KCNQ5: variants seen among roughly 807,000 people sequenced by gnomAD.
KCNQ5 encodes the protein potassium voltage-gated channel subfamily KQT member 5.
Under a neutral mutation model 98.2 loss-of-function variants are expected in KCNQ5, and 30 were observed. The ratio of observed to expected loss-of-function variants is 0.31; its 90% confidence interval spans 0.23 to 0.41. KCNQ5 has a LOEUF of 0.41. KCNQ5 is among the 10% of genes least tolerant of loss of function. The probability of loss-of-function intolerance (pLI) is 1.00; values close to 1 mark genes in which losing one functional copy is unlikely to be tolerated. For synonymous variants in KCNQ5, 458 were observed against 449.4 expected (o/e 1.02, Z -0.24); for missense variants, 835 against 1,182.5 (o/e 0.71, Z 4.31).
At chr6:72,748,602 TCTAC>T (rs1488172282) in intron 1 of KCNQ5, among the ~76,000 whole-genome samples, 1 of 152,184 alleles carries the variant, frequency 6.6e-6, no homozygotes. Context: ...TTGCTTTGTT[TCTAC>T]CTTCATTAAG....
At chr6:73,042,469 C>T (rs1365949353) in intron 3 of KCNQ5, among the ~76,000 whole-genome samples, 2 of 152,158 alleles carry the variant, frequency 1.3e-5, no homozygotes, top group Admixed American at 6.6e-5. Flanking sequence ...ATAAAAAACC[C>T]TTTTTGCTCT....
intron 11 of KCNQ5, among the ~76,000 whole-genome samples, chr6:73,185,722 T>C (rs1237905253): frequency 6.6e-6 from 1 of 152,168 alleles, no homozygotes; most frequent in Admixed American, 6.5e-5. Flanking sequence ...TTGATGTTTA[T>C]CCTATAGGCC....
At chr6:72,981,596 T>C (rs1768454582) in intron 1 of KCNQ5, among the ~76,000 whole-genome samples, 1 of 152,182 alleles carries the variant, frequency 6.6e-6, no homozygotes, top group Non-Finnish European at 1.5e-5. Flanking sequence ...TGTTGATCTT[T>C]TCAAAAAGCC....
intron 10 of KCNQ5, among the ~76,000 whole-genome samples, chr6:73,157,333 A>G (rs1777403486): frequency 6.6e-6 from 1 of 152,106 alleles, no homozygotes. Flanking sequence ...AAAAGGGCTG[A>G]GGAAGAGGAG....
At chr6:73,174,379 A>T (rs1778132695) in intron 11 of KCNQ5, among the ~76,000 whole-genome samples, 1 of 152,170 alleles carries the variant, frequency 6.6e-6, no homozygotes, top group African/African-American at 2.4e-5. Flanking sequence ...ACTGATGCAG[A>T]TTATTCATTA....
intron 1 of KCNQ5, among the ~76,000 whole-genome samples, chr6:72,686,332 C>T (rs78789588): frequency 0.014 from 2,059 of 152,216 alleles, 33 homozygotes; most frequent in African/African-American, 0.042. Context: ...GATGTTCCCT[C>T]GAGCTGATAG....
chr6:72,646,864 GTTC>G (rs1367821393), intron 1 of KCNQ5, among the ~76,000 whole-genome samples: 1 of 152,150 alleles, frequency 6.6e-6, no homozygotes, highest in Non-Finnish European at 1.5e-5. Context: ...CATATTTGAA[GTTC>G]TTCTTACTAA....
intron 1 of KCNQ5, chr6:72,987,775 A>T: frequency 1.6e-5 from 7 of 439,962 alleles, no homozygotes; most frequent in Non-Finnish European, 2.6e-5. Context: ...TCCCCTCAAA[A>T]CTGCCACAAT....
rs150147409 is a variant in KCNQ5 at position 72,897,877 on chromosome 6, A to C, written c.399-106031A>C. Reference sequence around the variant, plus strand: ...CCCTAGAAAATATTTTTGTCTTATAATTGATACTGTGCTTCTTCTAAAAAA... The same window carrying C: ...CCCTAGAAAATATTTTTGTCTTATACTTGATACTGTGCTTCTTCTAAAAAA... On this transcript the variant is annotated intron_variant, in intron 1 of 13. Transcript: ENST00000370398. Among the ~76,000 whole-genome samples the C allele has an allele frequency of 1.9e-3, 294 of 152,212 alleles. 2 individuals are homozygous for C. Among genetic ancestry groups the C allele is most frequent in the African/African-American group, 6.6e-3 (273 of 41,540 alleles).
chr6:72,948,991 A>G (rs915105073), intron 1 of KCNQ5, among the ~76,000 whole-genome samples: 1 of 152,148 alleles, frequency 6.6e-6, no homozygotes, highest in Admixed American at 6.6e-5. Context: ...TAGTATTGTT[A>G]TTGGATCAAA....
chr6:73,152,326 C>T (rs7748250), intron 10 of KCNQ5, among the ~76,000 whole-genome samples: 107,684 of 151,810 alleles, frequency 0.71, 38,667 homozygotes, highest in East Asian at 0.82. Context: ...CCCCGATTTT[C>T]TTATCCTTCC....
At chr6:73,174,019 A>C (rs1778114046) in intron 11 of KCNQ5, among the ~76,000 whole-genome samples, 1 of 152,086 alleles carries the variant, frequency 6.6e-6, no homozygotes, top group Admixed American at 6.6e-5. Flanking sequence ...TGCAATGCAA[A>C]GCTTACCTGC....
At chr6:72,898,393 T>G (rs1347125583) in intron 1 of KCNQ5, among the ~76,000 whole-genome samples, 1 of 152,208 alleles carries the variant, frequency 6.6e-6, no homozygotes, top group Non-Finnish European at 1.5e-5. Context: ...TTCTCATTGT[T>G]CAACTCCCAC....
chr6:73,002,129 C>A (rs1050043423), intron 1 of KCNQ5, among the ~76,000 whole-genome samples: 1 of 152,028 alleles, frequency 6.6e-6, no homozygotes, highest in Non-Finnish European at 1.5e-5. Flanking sequence ...GACCCTATTT[C>A]TAAAAAAATA....
At chr6:73,007,380 C>G (rs563159067) in intron 2 of KCNQ5, among the ~76,000 whole-genome samples, 3 of 152,256 alleles carry the variant, frequency 2.0e-5, no homozygotes, top group African/African-American at 7.2e-5. Context: ...GAAAATCACT[C>G]CACTGTGCCT....
At chr6:73,148,764 A>G (rs1777021583) in intron 10 of KCNQ5, among the ~76,000 whole-genome samples, 1 of 152,206 alleles carries the variant, frequency 6.6e-6, no homozygotes, top group South Asian at 2.1e-4. Context: ...CATAGAACTT[A>G]AGTGAGAAAA....
chr6:73,174,412 C>T (rs1320930928), intron 11 of KCNQ5, among the ~76,000 whole-genome samples: 1 of 152,184 alleles, frequency 6.6e-6, no homozygotes, highest in African/African-American at 2.4e-5. Context: ...ATGACCAAGA[C>T]GCTATCGATT....
intron 11 of KCNQ5, among the ~76,000 whole-genome samples, chr6:73,188,690 C>A (rs950765177): frequency 6.6e-6 from 1 of 152,080 alleles, no homozygotes; most frequent in Non-Finnish European, 1.5e-5. Flanking sequence ...GACTGTTGAA[C>A]AAAAGACATC....
intron 1 of KCNQ5, among the ~76,000 whole-genome samples, chr6:72,965,870 A>G (rs188158345): frequency 1.5e-4 from 23 of 152,254 alleles, no homozygotes; most frequent in Middle Eastern, 3.4e-3. Flanking sequence ...GCACATTTTT[A>G]CCTGGAATAA....
Sources: allele counts gnomAD v4.1 joint callset (sites outside exome capture counted in the v4.1 genomes callset), GRCh38; gene constraint gnomAD v4.1.1; transcripts MANE v1.5; gene names NCBI Gene and HGNC (gene_info 2026-07-23, HGNC 2026-07-21).